TEX11: variants seen among roughly 807,000 people sequenced by gnomAD.
TEX11 encodes the protein testis expressed 11.
TEX11 carries 7 observed loss-of-function variants against 84.4 expected under a neutral mutation model. That is an observed-to-expected ratio of 0.08 (90% CI 0.05 to 0.16). The LOEUF (loss-of-function observed/expected upper bound fraction) is 0.16, where lower values mean the gene tolerates loss of function less well. Among genes scored for constraint, TEX11 ranks in the 10% least tolerant of loss-of-function variants. TEX11 has a pLI of 1.00. For synonymous variants in TEX11, 264 were observed against 222.8 expected, an observed-to-expected ratio of 1.18 and a Z score of -1.64; for missense variants, 551 against 660.5, an observed-to-expected ratio of 0.83 and a Z score of 1.82.
intron 11 of TEX11, among the ~76,000 whole-genome samples, chrX:70,733,611 T>C (rs2090672120): frequency 9.0e-6 from 1 of 111,473 alleles, no homozygotes; most frequent in Non-Finnish European, 1.9e-5. Context: ...TGAGATACCA[T>C]CTCACACCAG....
intron 7 of TEX11, among the ~76,000 whole-genome samples, chrX:70,844,267 A>G (rs975654290): frequency 4.5e-5 from 5 of 109,974 alleles, no homozygotes; most frequent in Non-Finnish European, 9.5e-5. Flanking sequence ...TACACCATGG[A>G]ATACTATGCA....
chrX:70,642,380 A>G (rs2089673069), intron 17 of TEX11, among the ~76,000 whole-genome samples: 1 of 111,281 alleles, frequency 9.0e-6, no homozygotes, highest in Admixed American at 9.6e-5. Context: ...AACTATTCCA[A>G]TCAATAGAAA....
At chrX:70,526,430 G>A (rs1391236451), downstream of TEX11, among the ~76,000 whole-genome samples, 2 of 110,597 alleles carry the variant, frequency 1.8e-5, no homozygotes, top group African/African-American at 3.3e-5. Context: ...TTAGCCAGGC[G>A]TGGTGGCACA....
intron 16 of TEX11, among the ~76,000 whole-genome samples, chrX:70,662,419 C>A (rs1419494829): frequency 6.3e-5 from 7 of 111,705 alleles, no homozygotes; most frequent in African/African-American, 2.3e-4. Context: ...GGGGAGAATG[C>A]AACCAAATTG....
At chrX:70,575,982 G>C (rs1335969777) in intron 25 of TEX11, among the ~76,000 whole-genome samples, 3 of 111,652 alleles carry the variant, frequency 2.7e-5, no homozygotes, top group African/African-American at 9.7e-5. Flanking sequence ...TTATGTTTCT[G>C]ACCTTTCTTT....
At chrX:70,523,599 G>A in the TEX11 span, among the ~76,000 whole-genome samples, 1 of 110,128 alleles carries the variant, frequency 9.1e-6, no homozygotes, top group African/African-American at 3.3e-5. Context: ...GAGTAGCTGG[G>A]ACTACAGGCA....
intron 8 of TEX11, among the ~76,000 whole-genome samples, chrX:70,826,409 T>C (rs1355475412): frequency 9.0e-6 from 1 of 111,494 alleles, no homozygotes; most frequent in Non-Finnish European, 1.9e-5. Context: ...TTTTAACAAC[T>C]GTCTGCACAC....
At chrX:70,716,444 C>T (rs768771211) in intron 13 of TEX11, among the ~76,000 whole-genome samples, 3 of 110,617 alleles carry the variant, frequency 2.7e-5, no homozygotes, top group African/African-American at 9.8e-5. Flanking sequence ...CCACCCAGTT[C>T]GAGCTTCCCA....
chrX:70,854,733 T>C (rs1245998588), intron 5 of TEX11, among the ~76,000 whole-genome samples: 1 of 100,757 alleles, frequency 9.9e-6, no homozygotes, highest in Admixed American at 1.1e-4. Flanking sequence ...AGACCCTGTT[T>C]CAAAAAAAAA....
At chrX:70,724,134 T>C (rs2090581647) in intron 12 of TEX11, 1 of 750,750 alleles carries the variant, frequency 1.3e-6, no homozygotes, top group Non-Finnish European at 1.6e-6. Context: ...TTCAACTTGG[T>C]GACTCCAATC....
chrX:70,768,981 G>A (rs149307746), intron 9 of TEX11, among the ~76,000 whole-genome samples: 1 of 111,481 alleles, frequency 9.0e-6, no homozygotes. Flanking sequence ...TAACCAAATG[G>A]GTCAAAGAAT....
intron 7 of TEX11, among the ~76,000 whole-genome samples, chrX:70,836,447 T>C (rs1240320309): frequency 8.9e-6 from 1 of 111,740 alleles, no homozygotes; most frequent in Non-Finnish European, 1.9e-5. Context: ...CTAGAATATA[T>C]AAATAATCCT....
chrX:70,853,013 C>T, intron 7 of TEX11, 21 bp downstream of exon 7: 4 of 1,204,457 alleles, frequency 3.3e-6, no homozygotes, highest in Non-Finnish European at 4.5e-6. Flanking sequence ...ACTGGAAGAC[C>T]CTGGTGCCCA....
chrX:70,564,172 T>G (rs974217078), intron 25 of TEX11, among the ~76,000 whole-genome samples: 1 of 112,004 alleles, frequency 8.9e-6, no homozygotes, highest in Non-Finnish European at 1.9e-5. Flanking sequence ...AATATTGCAG[T>G]AAGCTGAGAT....
intron 8 of TEX11, among the ~76,000 whole-genome samples, chrX:70,824,950 C>T (rs770574256): frequency 1.8e-5 from 2 of 111,279 alleles, no homozygotes; most frequent in African/African-American, 6.5e-5. Context: ...GATTGATTAC[C>T]TGCTATAATA....
intron 9 of TEX11, among the ~76,000 whole-genome samples, chrX:70,789,631 G>T (rs978177776): frequency 8.9e-6 from 1 of 112,037 alleles, no homozygotes; most frequent in African/African-American, 3.2e-5. Context: ...ATGGGGAGAC[G>T]AAAGATAACA....
intron 9 of TEX11, among the ~76,000 whole-genome samples, chrX:70,788,961 TATATATATATATAGAGAG>T (rs1430972119): frequency 4.0e-4 from 18 of 44,532 alleles, no homozygotes; most frequent in African/African-American, 8.2e-4. Flanking sequence ...TATATATATA[TATATATATATATAGAGAG>T]AGAGAGAGAG....
In TEX11 at chrX:70,738,131, G is replaced by T. The variant is rs1485530439; in HGVS notation, c.843+2570C>A. 2.7e-5 allele frequency among the ~76,000 whole-genome samples: 3 copies of T among 111,183 alleles called. No individual in the cohort carries two copies. In the East Asian group the frequency reaches 8.5e-4, roughly 31 times the overall value. ...TAATTAAACTAAAGAGCTTCTGCAG[G>T]GCAAAAGAAATTATCTTCAGAGTGA... On this transcript the variant is annotated intron_variant, in intron 11 of 29. Transcript: ENST00000374333.
In TEX11 at chrX:70,761,899, T is replaced by C. The variant is rs189614094; in HGVS notation, c.693-17680A>G. Among the ~76,000 whole-genome samples the C allele has an allele frequency of 2.4e-3, 270 of 111,049 alleles. 3 individuals carry two copies. Among genetic ancestry groups the C allele is most frequent in the African/African-American group, 7.9e-3 (240 of 30,536 alleles). On this transcript the variant is annotated intron_variant, in intron 9 of 29. Transcript: ENST00000374333. ...AAAGCCCAATGATAAAGAAAGGATC[T>C]TAAAAGCAGTAAGAGAAAAGAAAAA...
Sources: gnomAD v4.1 joint callset for allele counts (sites outside exome capture counted in the v4.1 genomes callset) on GRCh38, gnomAD v4.1.1 for gene constraint, MANE v1.5 for transcripts, NCBI Gene and HGNC (gene_info 2026-07-23, HGNC 2026-07-21) for gene names.